Variants in FBLN7 observed in about 807,000 individuals in gnomAD.
The protein encoded by FBLN7 is fibulin 7.
A neutral mutation model predicts 44.0 loss-of-function variants in FBLN7; 31 were observed. The observed-to-expected ratio is 0.70, with a 90% CI of 0.53 to 0.95. The LOEUF (loss-of-function observed/expected upper bound fraction) is 0.95. Among genes scored for constraint, FBLN7 ranks in the 40% least tolerant of loss-of-function variants. FBLN7 has a pLI of 0.00. For synonymous variants in FBLN7, 262 were observed against 253.4 expected (o/e 1.03, Z -0.32); for missense variants, 573 against 618.5 (o/e 0.93, Z 0.78).
chr2:112,146,180 C>G (rs958863085), intron 1 of FBLN7, among the ~76,000 whole-genome samples: 3 of 152,134 alleles, frequency 2.0e-5, no homozygotes, highest in Non-Finnish European at 2.9e-5. Context: ...ATTAACCAGG[C>G]GTGGTGGCAC....
chr2:112,154,757 T>C (rs1341049982), intron 1 of FBLN7, among the ~76,000 whole-genome samples: 1 of 152,090 alleles, frequency 6.6e-6, no homozygotes, highest in Non-Finnish European at 1.5e-5. Context: ...CATGCATGGC[T>C]CAGAGCAGGG....
chr2:112,139,027 C>T (rs1573749094), intron 1 of FBLN7, among the ~76,000 whole-genome samples: 1 of 86,972 alleles, frequency 1.1e-5, no homozygotes. Context: ...GCGTCCCTCC[C>T]GCCTCTCTCC....
the FBLN7 span, among the ~76,000 whole-genome samples, chr2:112,217,335 T>C: frequency 1.3e-5 from 2 of 152,170 alleles, no homozygotes; most frequent in Non-Finnish European, 2.9e-5. Flanking sequence ...ATCGTGCCAC[T>C]TCATTCAAGC....
chr2:112,236,502 T>C, the FBLN7 span: 1 of 1,583,446 alleles, frequency 6.3e-7, no homozygotes, highest in East Asian at 2.2e-5. Context: ...CACTGAAGTA[T>C]AAGATCAAGT....
At chr2:112,144,513 G>GT (rs1411329416) in intron 1 of FBLN7, among the ~76,000 whole-genome samples, 13 of 140,168 alleles carry the variant, frequency 9.3e-5, no homozygotes, top group African/African-American at 3.2e-4. Flanking sequence ...TTTTGTTTTT[G>GT]TTTTCTTTTC....
In FBLN7 at chr2:112,178,989, G is replaced by A. The variant is rs544461564; in HGVS notation, c.533-2750G>A. On this transcript the variant is annotated intron_variant, in intron 4 of 7. Coordinates refer to ENST00000331203, the MANE Select transcript of FBLN7 (RefSeq NM_153214.3). ...CGTAGTATTGGAAGTCCTGGCGAGA[G>A]CAACAGGCGAGAGAAAGAAATAAAG... Among the ~76,000 whole-genome samples, 31 of 152,332 alleles carry A rather than the reference G, an allele frequency of 2.0e-4. No individual in the cohort carries two copies. The South Asian group carries it at 6.4e-3, about 32-fold the overall frequency.
At chr2:112,194,537 C>G in the FBLN7 span, among the ~76,000 whole-genome samples, 1 of 152,174 alleles carries the variant, frequency 6.6e-6, no homozygotes. Context: ...GCTACGTGGC[C>G]TTTTAGGACC....
the FBLN7 span, among the ~76,000 whole-genome samples, chr2:112,236,333 A>G: frequency 3.9e-5 from 6 of 152,228 alleles, no homozygotes; most frequent in African/African-American, 1.4e-4. Context: ...TGAGAACGCT[A>G]AGGCTTAAAA....
the FBLN7 span, among the ~76,000 whole-genome samples, chr2:112,209,009 A>G: frequency 6.6e-6 from 1 of 152,184 alleles, no homozygotes; most frequent in Non-Finnish European, 1.5e-5. Context: ...TCCCTTAAAA[A>G]TGCATATTAG....
chr2:112,160,648 GCACGCACACGCGCACGCACACGCA>G (rs1342523549), intron 2 of FBLN7, among the ~76,000 whole-genome samples: 1 of 10,722 alleles, frequency 9.3e-5, no homozygotes. Flanking sequence ...ACACACACGC[GCACGCACACGCGCACGCACACGCA>G]CACGCAGACG....
At chr2:112,158,069 T>C (rs1211094020) in intron 1 of FBLN7, among the ~76,000 whole-genome samples, 2 of 151,618 alleles carry the variant, frequency 1.3e-5, no homozygotes, top group Non-Finnish European at 2.9e-5. Context: ...GGATAATTTT[T>C]TGTATTTTTA....
chr2:112,222,059 C>T, the FBLN7 span, among the ~76,000 whole-genome samples: 3 of 151,940 alleles, frequency 2.0e-5, no homozygotes, highest in African/African-American at 7.3e-5. Flanking sequence ...TCTTGATAAC[C>T]TTGGGGGTTT....
chr2:112,190,384 A>ACT (rs1196396158), downstream of FBLN7: 4 of 152,088 alleles, frequency 2.6e-5, no homozygotes, highest in African/African-American at 2.4e-5. Context: ...AGAGAAACAC[A>ACT]CTCTCATCAG....
the FBLN7 span, chr2:112,234,007 AT>A: frequency 1.4e-5 from 9 of 639,480 alleles, no homozygotes; most frequent in Admixed American, 4.0e-5. Flanking sequence ...TTTCTAACTG[AT>A]TTTTTTCCAG....
chr2:112,197,274 CAGAGAGAGAG>C, the FBLN7 span, among the ~76,000 whole-genome samples: 459 of 98,636 alleles, frequency 4.7e-3, no homozygotes, highest in Non-Finnish European at 6.6e-3. Context: ...CACACACACA[CAGAGAGAGAG>C]AGAGAGAGAG....
At position 112,160,748 on chromosome 2, in the gene FBLN7, GCA is replaced by G. The variant is rs1168211946; in HGVS notation, c.235+915_235+916del. 9.0e-3 allele frequency among the ~76,000 whole-genome samples: 608 copies of G among 67,384 alleles called. 4 individuals are homozygous for G. Among genetic ancestry groups the G allele is most frequent in the African/African-American group, 0.041 (534 of 13,090 alleles). The allele number at this position is 67,384 out of a possible 152,430, so 44.2% of individuals were successfully genotyped here. On this transcript the variant is annotated intron_variant, in intron 2 of 7. Coordinates refer to ENST00000331203, the MANE Select transcript of FBLN7 (RefSeq NM_153214.3). The stretch of plus-strand genomic sequence containing the variant: ...CACACGCACGCACACGCACACACGC[GCA>G]CGCACACACGCACGCACACGCAGAC...
intron 2 of FBLN7, among the ~76,000 whole-genome samples, chr2:112,162,518 T>G (rs1681931174): frequency 6.6e-6 from 1 of 152,118 alleles, no homozygotes; most frequent in African/African-American, 2.4e-5. Context: ...CTGAGACTGC[T>G]TAACTGTGGG....
rs548074201 is a variant in FBLN7, at chr2:112,184,702, A to G, written c.809-499A>G. On this transcript the variant is annotated intron_variant, in intron 6 of 7. Transcript: ENST00000331203. The stretch of plus-strand genomic sequence containing the variant: ...TATATGGTGTATATATGGTATATAT[A>G]TGAATATGGTATATGTATATATATG... Among the ~76,000 whole-genome samples, 3 of 145,630 alleles carry G rather than the reference A, an allele frequency of 2.1e-5. No homozygotes were observed. In the East Asian group the frequency reaches 5.9e-4, roughly 29 times the overall value.
the FBLN7 span, among the ~76,000 whole-genome samples, chr2:112,225,141 T>C: frequency 6.6e-6 from 1 of 152,240 alleles, no homozygotes; most frequent in African/African-American, 2.4e-5. Context: ...CCTGAGACTT[T>C]GCTGAATTTA....
Sources: allele counts gnomAD v4.1 joint callset (sites outside exome capture counted in the v4.1 genomes callset), GRCh38; gene constraint gnomAD v4.1.1; transcripts MANE v1.5; gene names NCBI Gene and HGNC (gene_info 2026-07-23, HGNC 2026-07-21).